ATRX: variants seen among roughly 807,000 people sequenced by gnomAD.
The protein encoded by ATRX is ATRX chromatin remodeler, also known as chromatin remodeler ATRX.
In ATRX, 12 loss-of-function variants were observed where a neutral mutation model predicts 172.6. The observed-to-expected ratio is 0.07, with a 90% CI of 0.04 to 0.11. The LOEUF (loss-of-function observed/expected upper bound fraction) is 0.11, where lower values mean the gene tolerates loss of function less well. Among genes scored for constraint, ATRX ranks in the 10% least tolerant of loss-of-function variants. The pLI is 1.00. For missense variants in ATRX, 1,368 were observed against 1,767.4 expected (o/e 0.77, Z 4.05); for synonymous variants, 674 against 594.7 (o/e 1.13, Z -1.94).
In ATRX at chrX:77,663,398, G is replaced by A. The variant is rs782726352; in HGVS notation, c.4104C>T (p.Gly1368=). ...ACATCTTACCCTTTCTTCTGTTTCT[G>A]CCTTTGACTTCTTTATGCTCTTTAG... ...TKPKEHKEVK[G]RNRRKVSSED... The change falls in exon 12 of 35, where the codon GGC becomes GGT. Residue 1368 remains glycine (G), a synonymous_variant. Transcript: ENST00000373344. 2.5e-6 allele frequency: 3 copies of A among 1,210,980 alleles called. No homozygotes were observed. The highest frequency in any genetic ancestry group is 3.4e-6 in the Non-Finnish European group (3 of 895,007).
At chrX:77,620,219 T>C (rs964176305) in intron 20 of ATRX, among the ~76,000 whole-genome samples, 176 bp downstream of exon 20, 5 of 112,443 alleles carry the variant, frequency 4.4e-5, no homozygotes, top group Non-Finnish European at 9.4e-5. Context: ...CACTCATTTA[T>C]AAAGCATCTC....
At chrX:77,639,363 TA>T (rs2068544145) in intron 15 of ATRX, among the ~76,000 whole-genome samples, 1 of 111,951 alleles carries the variant, frequency 8.9e-6, no homozygotes, top group Non-Finnish European at 1.9e-5. Flanking sequence ...GCTAAGGACC[TA>T]AGTGTAATAA....
intron 28 of ATRX, among the ~76,000 whole-genome samples, chrX:77,567,171 G>T (rs782628079): frequency 9.0e-6 from 1 of 110,686 alleles, no homozygotes; most frequent in Non-Finnish European, 1.9e-5. Flanking sequence ...CTAACCCACA[G>T]GAAGGGAGGA....
intron 10 of ATRX, among the ~76,000 whole-genome samples, chrX:77,668,797 G>T (rs1450073919): frequency 3.9e-5 from 4 of 101,908 alleles, no homozygotes; most frequent in Non-Finnish European, 8.0e-5. Flanking sequence ...AAAATAATAA[G>T]AAGTGAGCCC....
At chrX:77,556,115 G>A (rs931820501) in intron 30 of ATRX, among the ~76,000 whole-genome samples, 1 of 103,766 alleles carries the variant, frequency 9.6e-6, no homozygotes, top group Non-Finnish European at 2.0e-5. Flanking sequence ...GGTGGAGGTT[G>A]CAGTGAGCTG....
At chrX:77,710,803 G>T (rs1557160446) in intron 2 of ATRX, among the ~76,000 whole-genome samples, 1 of 111,107 alleles carries the variant, frequency 9.0e-6, no homozygotes, top group East Asian at 2.8e-4. Context: ...GGCAGAGGTA[G>T]GCGGAGGGAA....
At chrX:77,763,227 C>T (rs900755560) in intron 1 of ATRX, among the ~76,000 whole-genome samples, 1 of 108,811 alleles carries the variant, frequency 9.2e-6, no homozygotes, top group African/African-American at 3.3e-5. Context: ...TCACTGAAAC[C>T]TCCACCTCCC....
chrX:77,712,697 T>C (rs781955998), intron 2 of ATRX, among the ~76,000 whole-genome samples: 6 of 110,623 alleles, frequency 5.4e-5, no homozygotes, highest in African/African-American at 2.0e-4. Flanking sequence ...GGCACGGTGG[T>C]GTGCACCTGT....
chrX:77,583,912 A>T (rs1557075443), intron 27 of ATRX, among the ~76,000 whole-genome samples: 1 of 112,186 alleles, frequency 8.9e-6, no homozygotes, highest in African/African-American at 3.2e-5. Context: ...TCCACCAGAA[A>T]ACTATTAGAA....
chrX:77,627,732 C>T (rs1023679955), intron 19 of ATRX, among the ~76,000 whole-genome samples: 4 of 107,479 alleles, frequency 3.7e-5, no homozygotes, highest in African/African-American at 1.0e-4. Flanking sequence ...TTGGGCATGG[C>T]GGCACACTCC....
intron 25 of ATRX, among the ~76,000 whole-genome samples, chrX:77,599,203 C>T (rs1557085557): frequency 9.0e-6 from 1 of 111,298 alleles, no homozygotes; most frequent in East Asian, 2.8e-4. Flanking sequence ...TTTACCTTTC[C>T]CCCAAATACC....
At chrX:77,534,183 G>C (rs1258803093) in intron 30 of ATRX, among the ~76,000 whole-genome samples, 1 of 111,531 alleles carries the variant, frequency 9.0e-6, no homozygotes, top group Non-Finnish European at 1.9e-5. Context: ...TTCATAAGCA[G>C]GAAGGCAGAA....
chrX:77,684,801 A>T, intron 8 of ATRX, 138 bp downstream of exon 8: 2 of 755,140 alleles, frequency 2.6e-6, no homozygotes, highest in South Asian at 4.8e-5. Context: ...ACATAAATCC[A>T]GGGTTTTATG....
chrX:77,642,870 C>T (rs782005452), intron 15 of ATRX, among the ~76,000 whole-genome samples: 3 of 110,998 alleles, frequency 2.7e-5, no homozygotes, highest in Non-Finnish European at 3.8e-5. Flanking sequence ...TGGTGGTGAC[C>T]GCCTGTAGTA....
intron 6 of ATRX, among the ~76,000 whole-genome samples, chrX:77,692,846 A>AGTGC (rs1557147682): frequency 1.2e-5 from 1 of 82,105 alleles, no homozygotes; most frequent in Non-Finnish European, 2.4e-5. Flanking sequence ...CCAATATTAG[A>AGTGC]GTGTGTGTGT....
rs1211911693 is a variant in ATRX, at chrX:77,786,018, C to T, written c.-17G>A. 1 of 1,190,928 alleles carries T rather than the reference C, an allele frequency of 8.4e-7. No individual in the cohort carries two copies. The highest frequency in any genetic ancestry group is 1.1e-6 in the Non-Finnish European group (1 of 885,341). On this transcript the variant is annotated 5_prime_UTR_variant, in exon 1 of 35. Coordinates refer to ENST00000373344, the MANE Select transcript of ATRX (RefSeq NM_000489.6). ...AGCGGTCATGTTTTCGCTTGAACGC[C>T]TTGTCGGCTTCTGTGATTGCTGGGC... is the stretch of plus-strand genomic sequence containing the variant.
At position 77,681,812 on chromosome X, in the gene ATRX, T is replaced by G. The variant is rs1557137388; in HGVS notation, c.3444A>C (p.Glu1148Asp). Residue 1148 changes from glutamate (E) to aspartate (D), a missense_variant, in exon 9 of 35, where the codon GAA (glutamate) becomes GAC (aspartate). By Grantham distance (45) the Glu-to-Asp change is conservative. This residue lies in a region of ATRX where 843 missense variants were observed against 643.1 expected (regional missense o/e 1.31). Transcript: ENST00000373344. ...RNLSSKRNTK[E>D]IQSGSSSSDA... ...CAGATGATGATGAGCCACTTTGTAT[T>G]TCCTTAGTATTTCTCTTTGAACTTA... 7 of 1,196,997 alleles carry G rather than the reference T, an allele frequency of 5.8e-6. No individual in the cohort carries two copies. The highest frequency in any genetic ancestry group is 2.3e-5 in the Admixed American group (1 of 43,406).
intron 19 of ATRX, among the ~76,000 whole-genome samples, chrX:77,622,276 G>A (rs1486065766): frequency 9.0e-6 from 1 of 111,626 alleles, no homozygotes; most frequent in Non-Finnish European, 1.9e-5. Context: ...TGTCAGAGGG[G>A]ATCTGGTAAA....
intron 12 of ATRX, among the ~76,000 whole-genome samples, chrX:77,657,029 T>A (rs1484102625): frequency 1.8e-5 from 2 of 111,624 alleles, no homozygotes; most frequent in Non-Finnish European, 3.8e-5. Flanking sequence ...GGAGTAAGAT[T>A]ACAGATTGTC....
Sources: gnomAD v4.1 joint callset for allele counts (sites outside exome capture counted in the v4.1 genomes callset) on GRCh38, gnomAD v4.1.1 for gene constraint, gnomAD v4.1.1 regional missense constraint, MANE v1.5 for transcripts, NCBI Gene and HGNC (gene_info 2026-07-23, HGNC 2026-07-21) for gene names.